FAM131B: variants seen among roughly 807,000 people sequenced by gnomAD.
The protein encoded by FAM131B is family with sequence similarity 131 member B.
In FAM131B, 19 loss-of-function variants were observed where a neutral mutation model predicts 42.0. The observed-to-expected ratio is 0.45, with a 90% CI of 0.32 to 0.66. The LOEUF is 0.66. Ranked by LOEUF, FAM131B falls within the 30% of genes least tolerant of loss-of-function variation. The probability of loss-of-function intolerance (pLI) is 0.05; values close to 1 mark genes in which losing one functional copy is unlikely to be tolerated. For synonymous variants in FAM131B, 183 were observed against 177.6 expected, an observed-to-expected ratio of 1.03 and a Z score of -0.24; for missense variants, 370 against 468.4, an observed-to-expected ratio of 0.79 and a Z score of 1.94.
the FAM131B span, among the ~76,000 whole-genome samples, chr7:143,374,243 A>T: frequency 4.6e-5 from 7 of 152,156 alleles, no homozygotes; most frequent in Non-Finnish European, 8.8e-5. Flanking sequence ...AATGAAACAC[A>T]CAATCTCACT....
At chr7:143,380,925 G>A in the FAM131B span, 1 of 423,488 alleles carries the variant, frequency 2.4e-6, no homozygotes, top group Non-Finnish European at 3.2e-6. This position sits in a 1 kb window ranked among gnomAD's most constrained non-coding sequence, Gnocchi z 5.0. Context: ...AGGCGCACAG[G>A]GGCTGCGTGG....
rs1256864304 is a variant in FAM131B, at chr7:143,358,381, G to A, written c.466+446C>T. Reference sequence around the variant, plus strand: ...ACTAAACCTCTTCTGTAGGCCTCCCGTCTCTCACACAGTTCCCTTAATCTT... The same window carrying A: ...ACTAAACCTCTTCTGTAGGCCTCCCATCTCTCACACAGTTCCCTTAATCTT... On this transcript the variant is annotated intron_variant, in intron 5 of 6. Transcript: ENST00000443739. The surrounding 1 kb of genome is among the most constrained non-coding windows in gnomAD (Gnocchi z 4.7). Among the ~76,000 whole-genome samples, 5 of 152,144 alleles carry A rather than the reference G, an allele frequency of 3.3e-5. No homozygotes were observed. The highest frequency in any genetic ancestry group is 7.2e-5 in the African/African-American group (3 of 41,424).
intron 1 of FAM131B, chr7:143,360,512 C>T (rs1227100707): frequency 1.4e-6 from 1 of 720,646 alleles, no homozygotes; most frequent in Non-Finnish European, 1.8e-6. Context: ...AAGGGCAGAG[C>T]TGCTCTATGA....
upstream of FAM131B, among the ~76,000 whole-genome samples, chr7:143,366,371 G>T (rs557750457): frequency 6.6e-6 from 1 of 152,214 alleles, no homozygotes; most frequent in Non-Finnish European, 1.5e-5. Context: ...CAATGTCCTT[G>T]TATGGTGTTA....
At chr7:143,369,640 A>G in the FAM131B span, among the ~76,000 whole-genome samples, 2 of 149,174 alleles carry the variant, frequency 1.3e-5, no homozygotes, top group East Asian at 4.0e-4. Flanking sequence ...GCACCACTGC[A>G]CTACAGCCTG....
the FAM131B span, among the ~76,000 whole-genome samples, chr7:143,379,407 A>T: frequency 6.6e-6 from 1 of 152,248 alleles, no homozygotes; most frequent in Admixed American, 6.5e-5. Context: ...ATGGCCACAC[A>T]TGCCTGTGGC....
chr7:143,381,240 C>T, the FAM131B span: 186 of 1,021,004 alleles, frequency 1.8e-4, no homozygotes, highest in Non-Finnish European at 2.1e-4. Flanking sequence ...CGGGCCGCTC[C>T]TTGTATGGTC....
the FAM131B span, among the ~76,000 whole-genome samples, chr7:143,377,914 A>C: frequency 6.6e-6 from 1 of 152,020 alleles, no homozygotes; most frequent in Non-Finnish European, 1.5e-5. Context: ...GGGTTTCACT[A>C]TATCTTGGCC....
At chr7:143,367,249 C>T (rs781354931), upstream of FAM131B, among the ~76,000 whole-genome samples, 2 of 152,160 alleles carry the variant, frequency 1.3e-5, no homozygotes, top group African/African-American at 4.8e-5. Context: ...GTGGTTTCAG[C>T]GTTGGTGGTG....
the FAM131B span, chr7:143,380,134 C>T: frequency 1.0e-5 from 10 of 984,664 alleles, no homozygotes; most frequent in Non-Finnish European, 1.2e-5. The surrounding 1 kb of genome is among the most constrained non-coding windows in gnomAD (Gnocchi z 5.0). Context: ...GAAAATGAAG[C>T]GCCTACGGGT....
chr7:143,381,886 C>T, the FAM131B span: 1 of 1,115,170 alleles, frequency 9.0e-7, no homozygotes, highest in South Asian at 1.6e-5. Flanking sequence ...GGGGGCTGGG[C>T]GCAGCCACCC....
Position 143,354,593 on chromosome 7 carries a change from A to T in FAM131B, c.*1957T>A, listed in dbSNP as rs1306443746. 1 of 152,200 alleles carries T rather than the reference A, an allele frequency of 6.6e-6. No homozygotes were observed. Among genetic ancestry groups the T allele is most frequent in the African/African-American group, 2.4e-5 (1 of 41,434 alleles). 9.4% of individuals were successfully genotyped at this position (152,200 alleles called of 1,614,324 possible). On this transcript the variant is annotated 3_prime_UTR_variant, in exon 7 of 7. Transcript: ENST00000443739. Reference sequence around the variant, plus strand: ...ATAGCTGCCAGGGCGGGCATGCTAGACCACCTCTCAGAGCTCCTGGAAATG... The same window carrying T: ...ATAGCTGCCAGGGCGGGCATGCTAGTCCACCTCTCAGAGCTCCTGGAAATG...
At chr7:143,378,499 G>A in the FAM131B span, among the ~76,000 whole-genome samples, 1 of 151,684 alleles carries the variant, frequency 6.6e-6, no homozygotes, top group Non-Finnish European at 1.5e-5. Flanking sequence ...ACTGCCTAAG[G>A]ATATCAATTA....
rs977447890 is a variant in FAM131B, at chr7:143,355,211, A to T, written c.*1339T>A. ...ACAGCACCGCTGCTTTGCTCCGCCC[A>T]TCCTCTGCCTGTGCTCTCACGGTAG... On this transcript the variant is annotated 3_prime_UTR_variant, in exon 7 of 7. Coordinates refer to ENST00000443739, the MANE Select transcript of FAM131B (RefSeq NM_001031690.3). This position sits in a 1 kb window ranked among gnomAD's most constrained non-coding sequence, Gnocchi z 4.1. The T allele has an allele frequency of 2.0e-5, 3 of 152,432 alleles. No individual in the cohort carries two copies. The highest frequency in any genetic ancestry group is 3.1e-3 in the Middle Eastern group (1 of 318). 9.4% of individuals were successfully genotyped at this position (152,432 alleles called of 1,614,324 possible).
chr7:143,382,016 C>T, the FAM131B span: 2 of 605,012 alleles, frequency 3.3e-6, no homozygotes, highest in African/African-American at 1.9e-5. Context: ...ACGAATCTTC[C>T]CCTCCGGGTC....
the FAM131B span, chr7:143,380,270 G>T: frequency 2.6e-5 from 26 of 985,164 alleles, no homozygotes; most frequent in Non-Finnish European, 3.1e-5. The surrounding 1 kb of genome is among the most constrained non-coding windows in gnomAD (Gnocchi z 5.0). Flanking sequence ...AATTACCCAG[G>T]TCTGGCTTCT....
chr7:143,356,730 A>G lies in FAM131B; in HGVS notation c.903T>C (p.Ala301=), dbSNP rs1289333992. ...GTGCCAATGGCCTCTTCTCCTCCTC[A>G]GCAGGGCCCCTTGCCAGGTCCACTG... is the stretch of plus-strand genomic sequence containing the variant. ...VGAVDLARGP[A]EEEKRPLAPE... The change falls in exon 7 of 7, where the codon GCT becomes GCC. Residue 301 remains alanine (A), a synonymous_variant. Transcript: ENST00000443739. This position sits in a 1 kb window ranked among gnomAD's most constrained non-coding sequence, Gnocchi z 4.4. 5.6e-6 allele frequency: 9 copies of G among 1,613,944 alleles called. No individual in the cohort carries two copies. In the African/African-American group the frequency reaches 1.1e-4, roughly 19 times the overall value.
the FAM131B span, among the ~76,000 whole-genome samples, chr7:143,376,780 T>C: frequency 6.6e-6 from 1 of 152,112 alleles, no homozygotes; most frequent in Non-Finnish European, 1.5e-5. Context: ...GCAGGCCGAG[T>C]GCACACAGTA....
chr7:143,357,321 C>T lies in FAM131B; in HGVS notation c.569G>A (p.Cys190Tyr). Residue 190 changes from cysteine to tyrosine, a missense_variant, in exon 6 of 7, where the codon TGC (cysteine) becomes TAC (tyrosine). Coordinates refer to ENST00000443739, the MANE Select transcript of FAM131B (RefSeq NM_001031690.3). ...TTCCTGGTAGTTGTCACTGTAGTTGCAGCCCAATGGCTCCTGGGTGGAGTT... is the reference window on the plus strand; with the variant it reads ...TTCCTGGTAGTTGTCACTGTAGTTGTAGCCCAATGGCTCCTGGGTGGAGTT... The part of the protein sequence containing the change: ...SVNSTQEPLG[C>Y]NYSDNYQELM... 3.1e-6 allele frequency: 5 copies of T among 1,614,074 alleles called. No homozygotes were observed. The highest frequency in any genetic ancestry group is 4.2e-6 in the Non-Finnish European group (5 of 1,179,946).
Sources: allele counts gnomAD v4.1 joint callset (sites outside exome capture counted in the v4.1 genomes callset), GRCh38; gene constraint gnomAD v4.1.1; non-coding constraint Gnocchi (gnomAD v3.1); transcripts MANE v1.5; gene names NCBI Gene and HGNC (gene_info 2026-07-23, HGNC 2026-07-21).